The following GRAMD4 variants were observed in gnomAD, a reference collection of about 807,000 sequenced individuals.
GRAMD4 encodes GRAM domain containing 4.
In GRAMD4, 25 loss-of-function variants were observed where a neutral mutation model predicts 83.9. That is an observed-to-expected ratio of 0.30 (90% CI 0.22 to 0.42). The LOEUF (loss-of-function observed/expected upper bound fraction) is 0.42. Ranked by LOEUF, GRAMD4 falls within the 10% of genes least tolerant of loss-of-function variation. The pLI is 1.00. For synonymous variants in GRAMD4, 336 were observed against 320.9 expected (o/e 1.05, Z -0.50); for missense variants, 593 against 788.7 (o/e 0.75, Z 2.97).
intron 3 of GRAMD4, among the ~76,000 whole-genome samples, chr22:46,641,273 A>G (rs907752177): frequency 3.3e-5 from 5 of 152,148 alleles, no homozygotes; most frequent in African/African-American, 9.7e-5. Context: ...GGGTTTCACC[A>G]TGTTGGCCAG....
chr22:46,628,149 C>T (rs1443013851), intron 2 of GRAMD4, among the ~76,000 whole-genome samples: 3 of 152,212 alleles, frequency 2.0e-5, no homozygotes, highest in African/African-American at 4.8e-5. Context: ...ATCTCCCTCC[C>T]GACACATACA....
chr22:46,668,275 C>T, intron 11 of GRAMD4, 108 bp downstream of exon 11: 1 of 719,446 alleles, frequency 1.4e-6, no homozygotes, highest in African/African-American at 1.8e-5. Flanking sequence ...TCCGCTGCTG[C>T]CTGGGGAGGG....
chr22:46,594,238 C>T (rs2147020535), intron 1 of GRAMD4, among the ~76,000 whole-genome samples: 2 of 152,086 alleles, frequency 1.3e-5, no homozygotes, highest in East Asian at 3.9e-4. Flanking sequence ...CCTATGCACA[C>T]CTTTCTCTGC....
At chr22:46,587,457 G>A (rs933185916) in intron 1 of GRAMD4, among the ~76,000 whole-genome samples, 2 of 151,802 alleles carry the variant, frequency 1.3e-5, no homozygotes, top group African/African-American at 4.8e-5. Flanking sequence ...GTCCTGTTCC[G>A]GCTTCAGTGC....
chr22:46,637,256 C>CT (rs10644251), intron 2 of GRAMD4, among the ~76,000 whole-genome samples: 79,265 of 143,036 alleles, frequency 0.55, 22,393 homozygotes, highest in African/African-American at 0.69. Flanking sequence ...ATCCAGTTCC[C>CT]TTTTTTTTTT....
chr22:46,609,229 G>A (rs1275216130), intron 1 of GRAMD4, among the ~76,000 whole-genome samples: 3 of 152,094 alleles, frequency 2.0e-5, no homozygotes, highest in Middle Eastern at 6.3e-3. Context: ...TGTCTGGGCC[G>A]GCTTGGCCTC....
intron 18 of GRAMD4, 126 bp downstream of exon 18, chr22:46,676,794 G>C (rs186491678): frequency 1.2e-6 from 1 of 859,854 alleles, no homozygotes. Flanking sequence ...TCACAAAGCC[G>C]CCCCCTCCCT....
chr22:46,651,388 A>G (rs2082163475), intron 3 of GRAMD4, among the ~76,000 whole-genome samples: 1 of 152,196 alleles, frequency 6.6e-6, no homozygotes, highest in Admixed American at 6.5e-5. Flanking sequence ...GATCTGCACA[A>G]GCTGTGGCCT....
chr22:46,580,274 G>A (rs940885145), intron 1 of GRAMD4, among the ~76,000 whole-genome samples: 1 of 152,216 alleles, frequency 6.6e-6, no homozygotes, highest in Non-Finnish European at 1.5e-5. Flanking sequence ...GGGCGCCTCC[G>A]AGGCCAAGTG....
At chr22:46,619,516 C>A (rs1388309768), upstream of GRAMD4, among the ~76,000 whole-genome samples, 15 of 152,152 alleles carry the variant, frequency 9.9e-5, no homozygotes, top group Non-Finnish European at 2.2e-4. Context: ...GTTCTTATTT[C>A]ACTTTCTGTG....
rs546899800 is a variant in GRAMD4, at chr22:46,579,294, C to T, written c.-50+2004C>T. Among the ~76,000 whole-genome samples, 73 of 152,290 alleles carry T rather than the reference C, an allele frequency of 4.8e-4. 1 individual carries two copies. The highest frequency in any genetic ancestry group is 1.3e-3 in the African/African-American group (54 of 41,548). ...TCTTATCTGTGGAGCCCGGCGCCGG[C>T]GTTAGGTGATCTTTGCTCTCCGCTC... On this transcript the variant is annotated intron_variant, in intron 1 of 1. Coordinates refer to the GRAMD4 transcript ENST00000431155.
At chr22:46,663,973 T>C in intron 7 of GRAMD4, 53 bp from the exon 8 acceptor site, 1 of 1,573,318 alleles carries the variant, frequency 6.4e-7, no homozygotes, top group Non-Finnish European at 8.7e-7. Context: ...GGAGACGTGG[T>C]TAAGCGGCCT....
intron 1 of GRAMD4, chr22:46,588,055 A>G (rs1323422889): frequency 4.9e-6 from 3 of 613,838 alleles, no homozygotes; most frequent in Admixed American, 6.4e-5. Flanking sequence ...TTAGAGAGAG[A>G]CTCTGGGACA....
chr22:46,597,520 C>T (rs1037161368), intron 1 of GRAMD4, among the ~76,000 whole-genome samples: 2 of 152,100 alleles, frequency 1.3e-5, no homozygotes, highest in African/African-American at 2.4e-5. Flanking sequence ...GACGGAGTCT[C>T]GCTCTGTCGC....
chr22:46,624,853 G>A (rs1439040350), intron 1 of GRAMD4, among the ~76,000 whole-genome samples: 2 of 142,686 alleles, frequency 1.4e-5, no homozygotes, highest in Admixed American at 1.4e-4. Context: ...CCTGTGTCCT[G>A]TGGGATTTTT....
chr22:46,619,707 C>T (rs1259421692), upstream of GRAMD4, among the ~76,000 whole-genome samples: 1 of 152,218 alleles, frequency 6.6e-6, no homozygotes, highest in African/African-American at 2.4e-5. Flanking sequence ...TCCTCTTCAG[C>T]TGCCCAGGTT....
In GRAMD4 at chr22:46,579,413, T is replaced by A. The variant is rs73888566; in HGVS notation, c.-50+2123T>A. Among the ~76,000 whole-genome samples the A allele has an allele frequency of 9.2e-3, 1,404 of 152,278 alleles. 17 individuals are homozygous for A. Among genetic ancestry groups the A allele is most frequent in the African/African-American group, 0.032 (1,349 of 41,548 alleles). On this transcript the variant is annotated intron_variant, in intron 1 of 1. Transcript: ENST00000431155. ...ATTTCTGCTGTAGAATAGAATAGAATAGTGGTTCAGGCTCAATGAAAAGAA... is the reference window on the plus strand; with the variant it reads ...ATTTCTGCTGTAGAATAGAATAGAAAAGTGGTTCAGGCTCAATGAAAAGAA...
At chr22:46,598,398 G>C (rs1318914714) in intron 1 of GRAMD4, among the ~76,000 whole-genome samples, 1 of 152,134 alleles carries the variant, frequency 6.6e-6, no homozygotes, top group East Asian at 1.9e-4. Context: ...GGAGGGAGGG[G>C]TGGATGGACT....
chr22:46,576,712 G>A (rs2081044828), upstream of GRAMD4, among the ~76,000 whole-genome samples: 1 of 152,098 alleles, frequency 6.6e-6, no homozygotes, highest in African/African-American at 2.4e-5. Flanking sequence ...GGTTTCCACC[G>A]GCAGCCCAGT....
Sources: gnomAD v4.1 joint callset for allele counts (sites outside exome capture counted in the v4.1 genomes callset) on GRCh38, gnomAD v4.1.1 for gene constraint, MANE v1.5 for transcripts, NCBI Gene and HGNC (gene_info 2026-07-23, HGNC 2026-07-21) for gene names.